The following CLASP1 variants were observed in gnomAD, a reference collection of about 807,000 sequenced individuals.
CLASP1 encodes CLIP-associating protein 1.
In CLASP1, 38 loss-of-function variants were observed where a neutral mutation model predicts 192.3. The observed-to-expected ratio is 0.20, with a 90% confidence interval of 0.15 to 0.26. CLASP1 has a LOEUF of 0.26. CLASP1 is among the 10% of genes least tolerant of loss of function. CLASP1 has a pLI of 1.00. For synonymous variants in CLASP1, 691 were observed against 712.8 expected (o/e 0.97, Z 0.49); for missense variants, 1,433 against 1,932.5 (o/e 0.74, Z 4.85).
At chr2:121,644,121 G>A (rs187576677) in intron 1 of CLASP1, among the ~76,000 whole-genome samples, 2 of 152,196 alleles carry the variant, frequency 1.3e-5, no homozygotes, top group African/African-American at 4.8e-5. Context: ...ATAGGTAGGT[G>A]CTACAATTAA....
intron 7 of CLASP1, among the ~76,000 whole-genome samples, chr2:121,510,717 G>A (rs1025888534): frequency 6.6e-6 from 1 of 151,942 alleles, no homozygotes; most frequent in Admixed American, 6.6e-5. Context: ...GCGATTACTT[G>A]AGCCCAGGAA....
chr2:121,345,152 A>G (rs2063294462), intron 39 of CLASP1, among the ~76,000 whole-genome samples: 1 of 152,204 alleles, frequency 6.6e-6, no homozygotes, highest in Admixed American at 6.5e-5. Flanking sequence ...ATATAAAAAT[A>G]ATAACAATAA....
exon 35 of CLASP1, chr2:121,367,709 G>T (rs1309383433): frequency 5.0e-6 from 8 of 1,614,026 alleles, no homozygotes; most frequent in African/African-American, 1.3e-5. Flanking sequence ...GCCCCGGGAA[G>T]GCGCGCGGAG....
chr2:121,582,114 G>T (rs2061239629), intron 2 of CLASP1, among the ~76,000 whole-genome samples: 1 of 151,862 alleles, frequency 6.6e-6, no homozygotes, highest in Admixed American at 6.6e-5. Context: ...AGTGAGCCAA[G>T]ATCGTGCCAC....
At chr2:121,574,899 T>C (rs1016764272) in intron 2 of CLASP1, among the ~76,000 whole-genome samples, 21 of 150,858 alleles carry the variant, frequency 1.4e-4, no homozygotes, top group Non-Finnish European at 8.8e-5. Flanking sequence ...GCCGAGATCG[T>C]GCCACTGCAC....
intron 34 of CLASP1, among the ~76,000 whole-genome samples, chr2:121,368,449 T>C (rs1422102591): frequency 6.7e-6 from 1 of 150,068 alleles, no homozygotes; most frequent in Non-Finnish European, 1.5e-5. Flanking sequence ...TTTCCCAAAT[T>C]TTTTTTTTTT....
chr2:121,562,116 T>C (rs955332249), intron 2 of CLASP1, among the ~76,000 whole-genome samples: 11 of 152,240 alleles, frequency 7.2e-5, no homozygotes, highest in Admixed American at 1.3e-4. Context: ...TTTCTCACTA[T>C]GAACCTTAGA....
intron 1 of CLASP1, among the ~76,000 whole-genome samples, chr2:121,642,779 T>C (rs1191481420): frequency 1.3e-5 from 2 of 152,078 alleles, no homozygotes; most frequent in Admixed American, 1.3e-4. Context: ...TTAAGCAAAA[T>C]GACAAAGCTA....
chr2:121,590,273 C>G (rs2062229744), intron 2 of CLASP1, among the ~76,000 whole-genome samples: 1 of 152,132 alleles, frequency 6.6e-6, no homozygotes, highest in Middle Eastern at 3.2e-3. Context: ...GAACTTCCAG[C>G]ACAGAGGTAC....
In CLASP1 at chr2:121,504,761, T is replaced by C. The variant is rs908002165; in HGVS notation, c.645-1527A>G. ...TGATGCACTGCCTCCCCCCATTCCA[T>C]AGGAGACACCAACAATCTTTTCAAG... On this transcript the variant is annotated intron_variant, in intron 7 of 39. Coordinates refer to ENST00000263710, the Ensembl canonical transcript of CLASP1. 1.8e-4 allele frequency among the ~76,000 whole-genome samples: 27 copies of C among 152,314 alleles called. 1 individual carries two copies. Among genetic ancestry groups the C allele is most frequent in the Admixed American group, 1.6e-3 (25 of 15,298 alleles).
intron 1 of CLASP1, among the ~76,000 whole-genome samples, chr2:121,613,594 A>C (rs2065964623): frequency 6.6e-6 from 1 of 150,936 alleles, no homozygotes; most frequent in Non-Finnish European, 1.5e-5. Context: ...AATAAGATTA[A>C]GAATGAAAAA....
rs577406711 is a variant in CLASP1 at position 121,434,227 on chromosome 2, T to C, written c.1913-4050A>G. Among the ~76,000 whole-genome samples, 3 of 152,332 alleles carry C rather than the reference T, an allele frequency of 2.0e-5. No individual in the cohort carries two copies. The South Asian group carries it at 6.2e-4, about 32-fold the overall frequency. On this transcript the variant is annotated intron_variant, in intron 19 of 39. Transcript: ENST00000263710. ...TGTTTTTGAATTGTTAACAAAGCTG[T>C]CATAGGTTTATCTTACCTTAATTTC... is the stretch of plus-strand genomic sequence containing the variant.
intron 2 of CLASP1, among the ~76,000 whole-genome samples, chr2:121,539,052 G>T (rs1012300159): frequency 6.6e-6 from 1 of 152,036 alleles, no homozygotes; most frequent in African/African-American, 2.4e-5. Context: ...AAAACTATAG[G>T]CTGGAATACT....
intron 32 of CLASP1, among the ~76,000 whole-genome samples, chr2:121,385,978 G>A (rs2073095388): frequency 6.6e-6 from 1 of 152,180 alleles, no homozygotes; most frequent in South Asian, 2.1e-4. Flanking sequence ...TGAATATAGT[G>A]CAGAGGGAAA....
chr2:121,466,000 C>A (rs1054233504), intron 9 of CLASP1, among the ~76,000 whole-genome samples: 6 of 152,198 alleles, frequency 3.9e-5, no homozygotes, highest in Non-Finnish European at 7.3e-5. Context: ...CCCTTCCTTA[C>A]ACCTTATACA....
intron 17 of CLASP1, among the ~76,000 whole-genome samples, 186 bp from the exon 18 acceptor site, chr2:121,448,511 T>G (rs1235503078): frequency 6.6e-6 from 1 of 152,238 alleles, no homozygotes; most frequent in Non-Finnish European, 1.5e-5. Context: ...TATTTTGGAC[T>G]GCCTTTCAAA....
At chr2:121,501,336 C>T (rs2093745644) in intron 8 of CLASP1, among the ~76,000 whole-genome samples, 1 of 152,172 alleles carries the variant, frequency 6.6e-6, no homozygotes, top group South Asian at 2.1e-4. Flanking sequence ...TGAAGACCTG[C>T]CTGTGGACAC....
rs555339474 is a variant in CLASP1, at chr2:121,459,471, A to T, written c.1179-496T>A. Among the ~76,000 whole-genome samples the T allele has an allele frequency of 4.2e-3, 638 of 152,290 alleles. 6 individuals carry two copies. Among genetic ancestry groups the T allele is most frequent in the Non-Finnish European group, 5.9e-3 (401 of 68,010 alleles). ...AAAATCTGACTTCAGCCAAAACTTA[A>T]AACAGCTGCAATGCCTCCTCCTGCT... On this transcript the variant is annotated intron_variant, in intron 12 of 39. Transcript: ENST00000263710.
At chr2:121,438,870 T>C (rs1399347772) in intron 19 of CLASP1, among the ~76,000 whole-genome samples, 17 of 151,030 alleles carry the variant, frequency 1.1e-4, no homozygotes, top group Non-Finnish European at 2.1e-4. Context: ...GGATTCCCTC[T>C]TTTTCTATTG....
Sources: gnomAD v4.1 joint callset for allele counts (sites outside exome capture counted in the v4.1 genomes callset) on GRCh38, gnomAD v4.1.1 for gene constraint, MANE v1.5 for transcripts, NCBI Gene and HGNC (gene_info 2026-07-23, HGNC 2026-07-21) for gene names.